Variants in HRG observed in about 807,000 individuals in gnomAD.
The protein encoded by HRG is histidine rich glycoprotein.
HRG carries 26 observed loss-of-function variants against 29.5 expected under a neutral mutation model. That is an observed-to-expected ratio of 0.88 (90% CI 0.65 to 1.22). HRG has a LOEUF of 1.22. HRG is among the 50% of genes most tolerant of loss of function. The probability of loss-of-function intolerance (pLI) is 0.00; values close to 1 mark genes in which losing one functional copy is unlikely to be tolerated. For synonymous variants in HRG, 243 were observed against 240.4 expected (o/e 1.01, Z -0.10); for missense variants, 671 against 654.5 (o/e 1.03, Z -0.28).
Position 186,669,024 on chromosome 3 carries a change from A to T in HRG, c.273A>T (p.Pro91=). Residue 91 remains proline, a synonymous_variant, in exon 2 of 7, where the codon CCA becomes CCT. Transcript: ENST00000232003. ...LSRKYWNDCE[P]PDSRRPSEIV... ...GGAAATACTGGAATGACTGTGAGCCACCTGATTCCAGACGTCCATCTGAAA... is the reference window on the plus strand; with the variant it reads ...GGAAATACTGGAATGACTGTGAGCCTCCTGATTCCAGACGTCCATCTGAAA... The T allele has an allele frequency of 6.2e-7, 1 of 1,605,494 alleles. No individual in the cohort carries two copies. Among genetic ancestry groups the T allele is most frequent in the Non-Finnish European group, 8.5e-7 (1 of 1,172,064 alleles).
In HRG at chr3:186,678,042, T is replaced by A; in HGVS notation, c.*159T>A. ...AAAAGAGATGGCCTGAGAAGAGAGA[T>A]CAAATGGAAAGGAGAGGAAAGAACT... is the stretch of plus-strand genomic sequence containing the variant. On this transcript the variant is annotated 3_prime_UTR_variant, in exon 7 of 7. Transcript: ENST00000232003. The A allele has an allele frequency of 1.4e-6, 1 of 724,496 alleles. No homozygotes were observed. Among genetic ancestry groups the A allele is most frequent in the Non-Finnish European group, 2.3e-6 (1 of 437,204 alleles). The allele number at this position is 724,496 out of a possible 1,614,324, so 44.9% of individuals were successfully genotyped here. A position where few individuals can be genotyped will look rare whatever the true frequency, so the allele number is the denominator to read the frequency against.
At chr3:186,666,487 C>G (rs923657794) in intron 1 of HRG, among the ~76,000 whole-genome samples, 2 of 152,162 alleles carry the variant, frequency 1.3e-5, no homozygotes, top group African/African-American at 4.8e-5. Flanking sequence ...TTAGAATAAG[C>G]TATGGGCCTT....
intron 2 of HRG, chr3:186,669,553 G>A (rs1718717770): frequency 5.6e-6 from 2 of 359,112 alleles, no homozygotes; most frequent in South Asian, 4.9e-5. Flanking sequence ...GCATGTGGGA[G>A]GTGGGTATTG....
rs569054106 is a variant in HRG, at chr3:186,672,925, A to AAGAAGG, written c.639+80_639+85dup. On this transcript the variant is annotated intron_variant, in intron 5 of 6. Coordinates refer to ENST00000232003, the MANE Select transcript of HRG (RefSeq NM_000412.5). Reference sequence around the variant, plus strand: ...AGAGTCACAGAGAAAAAAGAAAGAGAAGAAGGAGAAGGAGAAGGAGAAGGA... The same window carrying AAGAAGG: ...AGAGTCACAGAGAAAAAAGAAAGAGAAGAAGGAGAAGGAGAAGGAGAAGGAGAAGGA... 172 of 1,136,964 alleles carry AAGAAGG rather than the reference A, an allele frequency of 1.5e-4. No individual in the cohort carries two copies. In the East Asian group the frequency reaches 3.2e-3, roughly 21 times the overall value. The allele number at this position is 1,136,964 out of a possible 1,614,324, so 70.4% of individuals were successfully genotyped here.
chr3:186,669,301 T>C (rs1012223162), intron 2 of HRG, among the ~76,000 whole-genome samples: 2 of 152,190 alleles, frequency 1.3e-5, no homozygotes, highest in Non-Finnish European at 2.9e-5. Context: ...GGGTAAATCA[T>C]CTAATAACAT....
chr3:186,671,688 C>T lies in HRG; in HGVS notation c.457C>T (p.Arg153Cys), dbSNP rs199706826. 19 of 1,613,678 alleles carry T rather than the reference C, an allele frequency of 1.2e-5. No individual in the cohort carries two copies. Among genetic ancestry groups the T allele is most frequent in the Admixed American group, 3.3e-5 (2 of 59,978 alleles). Residue 153 changes from arginine to cysteine, a missense_variant, in exon 4 of 7, where the codon CGC becomes TGC. Physicochemically the swap from Arg to Cys is radical, Grantham distance 180. Transcript: ENST00000232003. The part of the protein sequence containing the change: ...VLIDFFEDTE[R>C]YRKQANKALE... ...CATAGATTTCTTTGAGGATACTGAG[C>T]GCTACAGAAAACAAGCCAACAAAGC...
rs1394927892 is a variant in HRG at position 186,677,864 on chromosome 3, C to T, written c.1559C>T (p.Thr520Ile). 1 of 1,613,662 alleles carries T rather than the reference C, an allele frequency of 6.2e-7. No homozygotes were observed. Among genetic ancestry groups the T allele is most frequent in the Admixed American group, 1.7e-5 (1 of 60,026 alleles). ...TTTCCACAAGTTTCCATGTTTTTTA[C>T]ACATACATTTCCAAAATAAAATGTG... ...SGFPQVSMFF[T>I]HTFPK Residue 520 changes from threonine to isoleucine, a missense_variant, in exon 7 of 7, where the codon ACA becomes ATA. Physicochemically the swap from Thr to Ile is moderately conservative, Grantham distance 89. Coordinates refer to ENST00000232003, the MANE Select transcript of HRG (RefSeq NM_000412.5).
intron 6 of HRG, 26 bp downstream of exon 6, chr3:186,675,216 A>G (rs985344619): frequency 7.7e-6 from 11 of 1,437,722 alleles, no homozygotes; most frequent in Admixed American, 1.7e-5. Context: ...AGACTTTGTC[A>G]TGGCAGTGCC....
chr3:186,666,215 G>A lies in HRG; in HGVS notation c.183+1G>A. The A allele has an allele frequency of 6.2e-7, 1 of 1,613,782 alleles. No individual in the cohort carries two copies. The highest frequency in any genetic ancestry group is 8.5e-7 in the Non-Finnish European group (1 of 1,179,870). The stretch of plus-strand genomic sequence containing the variant: ...TGCTGATGCCCACTTGGACAGAGTG[G>A]TGAGGAATTGCCAATGGCAGAGCTG... On this transcript the variant is annotated splice_donor_variant, in intron 1 of 6. Coordinates refer to ENST00000232003, the MANE Select transcript of HRG (RefSeq NM_000412.5). LOFTEE classifies it high-confidence loss of function.
intron 2 of HRG, 59 bp downstream of exon 2, chr3:186,669,110 T>C: frequency 1.0e-6 from 1 of 978,170 alleles, no homozygotes; most frequent in Non-Finnish European, 1.7e-6. Context: ...ATCTACTCTG[T>C]TCACTCAGCC....
intron 1 of HRG, 73 bp downstream of exon 1, chr3:186,666,287 C>A: frequency 6.8e-7 from 1 of 1,471,852 alleles, no homozygotes; most frequent in South Asian, 1.1e-5. Context: ...ACCCCCTAGG[C>A]TTACTGCTTT....
chr3:186,673,011 G>T, intron 5 of HRG, 144 bp downstream of exon 5: 1 of 706,772 alleles, frequency 1.4e-6, no homozygotes, highest in South Asian at 1.5e-5. Context: ...GGAGAAGGAG[G>T]AAGAAATGTC....
At chr3:186,675,284 GGT>G (rs59016663) in intron 6 of HRG, 94 bp downstream of exon 6, 134,739 of 519,110 alleles carry the variant, frequency 0.26, 7,033 homozygotes, top group Non-Finnish European at 0.29. Flanking sequence ...TCTATGAGTG[GGT>G]GTGTGTGTGT....
intron 4 of HRG, 99 bp downstream of exon 4, chr3:186,671,888 T>TA (rs950434643): frequency 1.4e-5 from 14 of 984,684 alleles, no homozygotes; most frequent in Non-Finnish European, 1.9e-5. Flanking sequence ...CTCAATTGAC[T>TA]AGCTGCCTTT....
chr3:186,667,193 C>T (rs1718638708), intron 1 of HRG: 1 of 152,186 alleles, frequency 6.6e-6, no homozygotes, highest in African/African-American at 2.4e-5. Flanking sequence ...GACAGGATCC[C>T]TTTGGAATGC....
chr3:186,667,549 G>A (rs184430670), intron 1 of HRG, among the ~76,000 whole-genome samples: 1 of 151,972 alleles, frequency 6.6e-6, no homozygotes, highest in Non-Finnish European at 1.5e-5. Flanking sequence ...AGTGACCAAA[G>A]GAGTGGTAAA....
chr3:186,676,473 T>C (rs972865181), intron 6 of HRG, among the ~76,000 whole-genome samples: 3 of 151,936 alleles, frequency 2.0e-5, no homozygotes, highest in Non-Finnish European at 1.5e-5. Flanking sequence ...CTTTTTTTTT[T>C]AAATCAAAAT....
At chr3:186,666,678 G>A (rs2108570884) in intron 1 of HRG, among the ~76,000 whole-genome samples, 1 of 152,272 alleles carries the variant, frequency 6.6e-6, no homozygotes, top group South Asian at 2.1e-4. Flanking sequence ...ACTTTGGGAG[G>A]CCAAGGCGGA....
At position 186,677,202 on chromosome 3, in the gene HRG, T is replaced by G; in HGVS notation, c.897T>G (p.Pro299=). 6.2e-7 allele frequency: 1 copy of G among 1,613,756 alleles called. No individual in the cohort carries two copies. Among genetic ancestry groups the G allele is most frequent in the Non-Finnish European group, 8.5e-7 (1 of 1,179,914 alleles). The change falls in exon 7 of 7, where the codon CCT becomes CCG. Residue 299 remains proline (P), a synonymous_variant. Coordinates refer to ENST00000232003, the MANE Select transcript of HRG (RefSeq NM_000412.5). ...PHKPHEHGPP[P]PPDERDHSHG... ...AGCCACACGAACATGGACCCCCACC[T>G]CCTCCAGATGAAAGAGATCACTCAC... is the stretch of plus-strand genomic sequence containing the variant.
Sources: gnomAD v4.1 joint callset for allele counts (sites outside exome capture counted in the v4.1 genomes callset) on GRCh38, gnomAD v4.1.1 for gene constraint, MANE v1.5 for transcripts, NCBI Gene and HGNC (gene_info 2026-07-23, HGNC 2026-07-21) for gene names.